OTOF: variants seen among roughly 807,000 people sequenced by gnomAD.
OTOF encodes otoferlin.
A neutral mutation model predicts 236.8 loss-of-function variants in OTOF; 218 were observed. The observed-to-expected ratio is 0.92, with a 90% confidence interval of 0.82 to 1.03. The LOEUF (loss-of-function observed/expected upper bound fraction) is 1.03. Among genes scored for constraint, OTOF ranks in the 50% least tolerant of loss-of-function variants. The pLI is 0.00. For synonymous variants in OTOF, 1,041 were observed against 1,072.5 expected (o/e 0.97, Z 0.57); for missense variants, 2,590 against 2,694.4 (o/e 0.96, Z 0.86).
chr2:26,459,709 T>G (rs1184793716), intron 46 of OTOF, among the ~76,000 whole-genome samples: 1 of 152,358 alleles, frequency 6.6e-6, no homozygotes, highest in East Asian at 1.9e-4. Context: ...AGCAAGCTAC[T>G]TCACCTCTTT....
intron 11 of OTOF, among the ~76,000 whole-genome samples, chr2:26,487,433 T>A (rs750539793): frequency 7.9e-5 from 12 of 152,082 alleles, no homozygotes; most frequent in Non-Finnish European, 1.6e-4. Context: ...GCCCACATCC[T>A]GTTTCTGCCG....
Position 26,473,706 on chromosome 2 carries a change from C to G in OTOF, c.3409-139G>C, listed in dbSNP as rs1294625620. The G allele has an allele frequency of 5.1e-6, 5 of 982,808 alleles. No individual in the cohort carries two copies. The highest frequency in any genetic ancestry group is 1.6e-5 in the South Asian group (1 of 62,722). The allele number at this position is 982,808 out of a possible 1,614,324, so 60.9% of individuals were successfully genotyped here. On this transcript the variant is annotated intron_variant, in intron 27 of 46. Transcript: ENST00000272371. The surrounding 1 kb of genome is among the most constrained non-coding windows in gnomAD (Gnocchi z 7.2). ...CACCCCAGATTTCAAAGGGTGGGAG[C>G]AGGGCCAGGAGAGCAGAGGAGGGGC...
chr2:26,476,292 G>C lies in OTOF; in HGVS notation c.2702C>G (p.Ser901Trp). 1 of 1,605,328 alleles carries C rather than the reference G, an allele frequency of 6.2e-7. No individual in the cohort carries two copies. The highest frequency in any genetic ancestry group is 8.5e-7 in the Non-Finnish European group (1 of 1,179,806). The change falls in exon 23 of 47, where the codon TCG (serine) becomes TGG (tryptophan). Residue 901 changes from serine (S) to tryptophan (W), a missense_variant. Physicochemically the swap from Ser to Trp is radical, Grantham distance 177 (BLOSUM62 -3). Around this residue, in one of 2 missense-constraint regions of OTOF, gnomAD observed 1,379 missense variants for 1,341.6 expected, o/e 1.03. Transcript: ENST00000272371. ...LKLPGKRGFG[S>W]AGWTVQAKVE... ...CTTGGCCTGCACTGTCCAGCCTGCC[G>C]AGCCGAAGCCCCGCTTCCCTGGCAG...
Position 26,457,929 on chromosome 2 carries a change from G to T in OTOF, c.*309C>A. On this transcript the variant is annotated 3_prime_UTR_variant, in exon 47 of 47. Transcript: ENST00000272371. This position sits in a 1 kb window ranked among gnomAD's most constrained non-coding sequence, Gnocchi z 4.4. ...AGGAGGCAGGCTCGGCCCAAGGCATGAAGAGTGGACGCTGGGCTCCTCAGG... is the reference window on the plus strand; with the variant it reads ...AGGAGGCAGGCTCGGCCCAAGGCATTAAGAGTGGACGCTGGGCTCCTCAGG... 8.8e-7 allele frequency: 1 copy of T among 1,137,472 alleles called. No homozygotes were observed. The highest frequency in any genetic ancestry group is 1.3e-6 in the Non-Finnish European group (1 of 789,204). 70.5% of individuals were successfully genotyped at this position (1,137,472 alleles called of 1,614,324 possible).
chr2:26,516,966 C>T (rs1322036483), intron 4 of OTOF, among the ~76,000 whole-genome samples: 1 of 152,174 alleles, frequency 6.6e-6, no homozygotes, highest in Non-Finnish European at 1.5e-5. Context: ...ATGATCAGGC[C>T]ACCTCCTCTC....
intron 25 of OTOF, among the ~76,000 whole-genome samples, chr2:26,475,085 A>G (rs1034452022): frequency 2.0e-5 from 3 of 152,020 alleles, no homozygotes; most frequent in Non-Finnish European, 4.4e-5. Flanking sequence ...TGGGGAGGCT[A>G]GTGACAGCAG....
In OTOF at chr2:26,466,779, C is replaced by T. The variant is rs145588516; in HGVS notation, c.4435G>A (p.Gly1479Ser). The T allele has an allele frequency of 1.1e-4, 175 of 1,614,224 alleles. No individual in the cohort carries two copies. In the African/African-American group the frequency reaches 1.4e-3, roughly 13 times the overall value. Residue 1479 changes from glycine (G) to serine (S), a missense_variant, in exon 36 of 47, where the codon GGC becomes AGC. Physicochemically the swap from Gly to Ser is moderately conservative, Grantham distance 56. This residue lies in a region of OTOF where 1,211 missense variants were observed against 1,352.8 expected (regional missense o/e 0.90). Transcript: ENST00000272371. ...SREAGYDSTY[G>S]MFQGIPSNDP... is the part of the protein sequence containing the mutation. ...TTGCTCGGGATGCCCTGGAACATGC[C>T]GTAGGTGGAGTCGTAGCCGGCTTCC...
chr2:26,480,468 A>G (rs957181714), intron 15 of OTOF, among the ~76,000 whole-genome samples, 157 bp from the exon 16 acceptor site: 1 of 152,144 alleles, frequency 6.6e-6, no homozygotes, highest in African/African-American at 2.4e-5. Context: ...ACGGCCCCCC[A>G]GCCTGGATAT....
Position 26,457,717 on chromosome 2 carries a change from G to C in OTOF, c.*521C>G, listed in dbSNP as rs1479538326. The C allele has an allele frequency of 5.6e-6, 2 of 359,288 alleles. No homozygotes were observed. Among genetic ancestry groups the C allele is most frequent in the Non-Finnish European group, 1.0e-5 (2 of 195,844 alleles). The allele number at this position is 359,288 out of a possible 1,614,324, so 22.3% of individuals were successfully genotyped here. A position where few individuals can be genotyped will look rare whatever the true frequency, so the allele number is the denominator to read the frequency against. On this transcript the variant is annotated 3_prime_UTR_variant, in exon 47 of 47. Coordinates refer to ENST00000272371, the MANE Select transcript of OTOF (RefSeq NM_194248.3). The surrounding 1 kb of genome is among the most constrained non-coding windows in gnomAD (Gnocchi z 4.4). ...ATCCTGTACTTGGAAGACCTGGGGA[G>C]GGTTTCAGGAGTCTTCCTCTGGAGC... is the stretch of plus-strand genomic sequence containing the variant.
intron 30 of OTOF, among the ~76,000 whole-genome samples, chr2:26,472,116 C>T (rs1665009858): frequency 6.6e-6 from 1 of 151,654 alleles, no homozygotes; most frequent in South Asian, 2.1e-4. Context: ...CACATGTGCA[C>T]ACCACACGCA....
In OTOF at chr2:26,461,743, G is replaced by T; in HGVS notation, c.5486C>A (p.Thr1829Asn). 6.2e-7 allele frequency: 1 copy of T among 1,614,194 alleles called. No individual in the cohort carries two copies. Among genetic ancestry groups the T allele is most frequent in the African/African-American group, 1.3e-5 (1 of 75,048 alleles). ...ETEYKIPARL[T>N]LQIWDADHFS... ...GTGGTCCGCATCCCAGATCTGCAGG[G>T]TGAGCCGCGCGGGGATCTTGTACTC... is the stretch of plus-strand genomic sequence containing the variant. The change falls in exon 43 of 47, where the codon ACC (threonine) becomes AAC (asparagine). Residue 1829 changes from threonine (T) to asparagine (N), a missense_variant. Around this residue, in one of 2 missense-constraint regions of OTOF, gnomAD observed 1,211 missense variants for 1,352.8 expected, o/e 0.90. Transcript: ENST00000272371. The surrounding 1 kb of genome is among the most constrained non-coding windows in gnomAD (Gnocchi z 6.2).
At chr2:26,532,144 G>T (rs984411100) in intron 2 of OTOF, among the ~76,000 whole-genome samples, 3 of 143,052 alleles carry the variant, frequency 2.1e-5, no homozygotes, top group Non-Finnish European at 4.5e-5. Context: ...TCTGAAGGAA[G>T]AATTTCATCT....
intron 11 of OTOF, among the ~76,000 whole-genome samples, chr2:26,485,086 C>G (rs1394880407): frequency 6.6e-6 from 1 of 152,180 alleles, no homozygotes. Context: ...CCTGCAGGCT[C>G]CTGATTTAGT....
chr2:26,522,108 C>T (rs562029158), intron 3 of OTOF, among the ~76,000 whole-genome samples: 14 of 152,260 alleles, frequency 9.2e-5, no homozygotes, highest in South Asian at 4.1e-4. Flanking sequence ...GGGACTGGGA[C>T]GCTAGGAGCT....
At chr2:26,502,215 C>T (rs1289069615) in intron 7 of OTOF, 85 bp downstream of exon 7, 39 of 1,473,268 alleles carry the variant, frequency 2.6e-5, no homozygotes, top group Non-Finnish European at 3.5e-5. Flanking sequence ...CCTGATTCTT[C>T]CCTACCCAAA....
intron 4 of OTOF, among the ~76,000 whole-genome samples, chr2:26,516,866 G>A (rs1247132677): frequency 1.3e-5 from 2 of 152,288 alleles, no homozygotes; most frequent in East Asian, 3.9e-4. Context: ...TGCTCAAGGT[G>A]GAGGGGCCTG....
chr2:26,464,990 G>A lies in OTOF; in HGVS notation c.4839C>T (p.Ser1613=). ...CTTTGCAGAGGCGGGTCAGGATCTG[G>A]CTGGGCTTCATGGGGTCCCGCCAGA... ...YNIWRDPMKP[S]QILTRLCKDG... is the part of the protein sequence containing the mutation. The change falls in exon 39 of 47, where the codon AGC becomes AGT. Residue 1613 remains serine, a synonymous_variant. Coordinates refer to ENST00000272371, the MANE Select transcript of OTOF (RefSeq NM_194248.3). 1 of 1,521,502 alleles carries A rather than the reference G, an allele frequency of 6.6e-7. No homozygotes were observed. Among genetic ancestry groups the A allele is most frequent in the Non-Finnish European group, 8.9e-7 (1 of 1,129,192 alleles). 94.3% of individuals were successfully genotyped at this position (1,521,502 alleles called of 1,614,324 possible).
intron 5 of OTOF, among the ~76,000 whole-genome samples, chr2:26,509,991 A>G (rs1666342413): frequency 6.6e-6 from 1 of 152,060 alleles, no homozygotes; most frequent in Non-Finnish European, 1.5e-5. Flanking sequence ...AGATCCCGTA[A>G]TGCTAGAGTC....
intron 2 of OTOF, among the ~76,000 whole-genome samples, chr2:26,534,431 C>T (rs968247700): frequency 2.6e-4 from 39 of 152,300 alleles, no homozygotes; most frequent in East Asian, 3.9e-4. Flanking sequence ...GGCTCAGGTT[C>T]CAGCCTCTGG....
Sources: allele counts gnomAD v4.1 joint callset (sites outside exome capture counted in the v4.1 genomes callset), GRCh38; gene constraint gnomAD v4.1.1; regional missense constraint gnomAD v4.1.1; non-coding constraint Gnocchi (gnomAD v3.1); transcripts MANE v1.5; gene names NCBI Gene and HGNC (gene_info 2026-07-23, HGNC 2026-07-21).